The following RASA1 variants were observed in gnomAD, a reference collection of about 807,000 sequenced individuals.
RASA1 encodes RAS p21 protein activator 1.
RASA1 carries 25 observed loss-of-function variants against 132.2 expected under a neutral mutation model. The ratio of observed to expected loss-of-function variants is 0.19; its 90% CI spans 0.14 to 0.26. The LOEUF (loss-of-function observed/expected upper bound fraction) is 0.26, where lower values mean the gene tolerates loss of function less well. Ranked by LOEUF, RASA1 falls within the 10% of genes least tolerant of loss-of-function variation. The pLI is 1.00. For synonymous variants in RASA1, 477 were observed against 449.9 expected (o/e 1.06, Z -0.76); for missense variants, 964 against 1,299.2 (o/e 0.74, Z 3.97).
At chr5:87,336,446 CTT>C (rs890529569) in intron 4 of RASA1, among the ~76,000 whole-genome samples, 5 of 151,590 alleles carry the variant, frequency 3.3e-5, no homozygotes, top group Non-Finnish European at 7.4e-5. Context: ...ATTTATGAGT[CTT>C]TTAAAAAGTT....
chr5:87,326,887 T>C (rs1446769314), intron 1 of RASA1, among the ~76,000 whole-genome samples: 1 of 152,214 alleles, frequency 6.6e-6, no homozygotes, highest in Non-Finnish European at 1.5e-5. Context: ...GATTGGTTTC[T>C]CCTGTTCTCT....
At chr5:87,294,809 ATG>A (rs1755049516) in intron 1 of RASA1, among the ~76,000 whole-genome samples, 1 of 152,176 alleles carries the variant, frequency 6.6e-6, no homozygotes, top group South Asian at 2.1e-4. Flanking sequence ...CTTGGAGAGA[ATG>A]TGCAGTCTGC....
chr5:87,388,742 A>G (rs745446357), intron 23 of RASA1, among the ~76,000 whole-genome samples: 10 of 152,218 alleles, frequency 6.6e-5, no homozygotes, highest in Non-Finnish European at 1.3e-4. Context: ...TTGCATTTTC[A>G]TAGTGCAGTT....
Position 87,379,793 on chromosome 5 carries a change from T to C in RASA1, c.2546T>C (p.Leu849Ser), listed in dbSNP as rs920219557. The change falls in exon 19 of 25, where the codon TTG becomes TCG. Residue 849 changes from leucine to serine, a missense_variant. Around this residue, in one of 6 missense-constraint regions of RASA1, gnomAD observed 346 missense variants for 520.1 expected, o/e 0.67. Transcript: ENST00000274376. The stretch of plus-strand genomic sequence containing the variant: ...GTGAACACTAATTTAACACACCTAT[T>C]GAACATACTTTCAGAGCTTGTGGAG... ...EDVNTNLTHLLNILSELVEKI... is the reference protein window; with the variant it reads ...EDVNTNLTHLSNILSELVEKI... The C allele has an allele frequency of 1.9e-5, 31 of 1,612,956 alleles. No homozygotes were observed. The highest frequency in any genetic ancestry group is 2.5e-5 in the Non-Finnish European group (30 of 1,179,202).
At chr5:87,359,488 T>C (rs1238120974) in intron 9 of RASA1, among the ~76,000 whole-genome samples, 1 of 152,186 alleles carries the variant, frequency 6.6e-6, no homozygotes, top group East Asian at 1.9e-4. Flanking sequence ...CACTTTAATA[T>C]GATTTTTAAA....
intron 20 of RASA1, among the ~76,000 whole-genome samples, chr5:87,383,186 CA>C (rs987011114): frequency 6.6e-6 from 1 of 152,100 alleles, no homozygotes; most frequent in Non-Finnish European, 1.5e-5. Flanking sequence ...TTCTCTAGTG[CA>C]ATGGATTCTT....
chr5:87,364,483 C>T (rs1287703387), intron 11 of RASA1, among the ~76,000 whole-genome samples: 6 of 152,104 alleles, frequency 3.9e-5, no homozygotes, highest in Admixed American at 2.0e-4. Flanking sequence ...TGAATTACTT[C>T]ATAAATTCAT....
At chr5:87,284,543 T>C (rs1180980509) in intron 1 of RASA1, among the ~76,000 whole-genome samples, 2 of 152,190 alleles carry the variant, frequency 1.3e-5, no homozygotes, top group Non-Finnish European at 2.9e-5. Flanking sequence ...GTATCTGGAG[T>C]GGAACTGTTC....
At chr5:87,306,307 G>T (rs1198979761) in intron 1 of RASA1, among the ~76,000 whole-genome samples, 1 of 152,174 alleles carries the variant, frequency 6.6e-6, no homozygotes, top group Non-Finnish European at 1.5e-5. Context: ...ACAAGATTAT[G>T]TCCTTTGCGG....
At chr5:87,287,115 C>CATATATATACACACCAT in intron 1 of RASA1, among the ~76,000 whole-genome samples, 1 of 136,758 alleles carries the variant, frequency 7.3e-6, no homozygotes, top group South Asian at 2.4e-4. Flanking sequence ...ATATACACAC[C>CATATATATACACACCAT]ATATATATAC....
At chr5:87,288,971 T>G (rs1754797665) in intron 1 of RASA1, among the ~76,000 whole-genome samples, 1 of 152,204 alleles carries the variant, frequency 6.6e-6, no homozygotes, top group Admixed American at 6.5e-5. Flanking sequence ...CCAAATATAA[T>G]GAATTTAACA....
chr5:87,270,646 C>CTTTTTTTTTTTTTT (rs70996415), intron 1 of RASA1, among the ~76,000 whole-genome samples: 1 of 71,780 alleles, frequency 1.4e-5, no homozygotes, highest in African/African-American at 6.4e-5. Context: ...GGTGCCCGGC[C>CTTTTTTTTTTTTTT]TTTTTTTTTT....
chr5:87,358,966 A>G (rs1400924525), intron 9 of RASA1, among the ~76,000 whole-genome samples: 1 of 152,116 alleles, frequency 6.6e-6, no homozygotes, highest in African/African-American at 2.4e-5. Context: ...TTACCTAGAC[A>G]CCTTAATTAA....
At chr5:87,333,242 ATCT>A (rs1757725486) in intron 3 of RASA1, 22 bp from the exon 4 acceptor site, 3 of 1,607,564 alleles carry the variant, frequency 1.9e-6, no homozygotes, top group South Asian at 2.2e-5. Flanking sequence ...ATCTTTTTAA[ATCT>A]TTTTTTTTTT....
intron 11 of RASA1, among the ~76,000 whole-genome samples, chr5:87,368,567 A>T (rs748396497): frequency 1.3e-5 from 2 of 152,198 alleles, no homozygotes; most frequent in Non-Finnish European, 2.9e-5. Flanking sequence ...CGGATGGTAT[A>T]GGGTTAGTAC....
chr5:87,338,299 T>C (rs1758125852), intron 5 of RASA1, among the ~76,000 whole-genome samples: 1 of 151,644 alleles, frequency 6.6e-6, no homozygotes, highest in African/African-American at 2.4e-5. Flanking sequence ...TTCAGAAAGC[T>C]TGTATGATTT....
At chr5:87,356,572 T>G (rs948808505) in intron 9 of RASA1, among the ~76,000 whole-genome samples, 3 of 152,072 alleles carry the variant, frequency 2.0e-5, no homozygotes, top group African/African-American at 7.2e-5. Context: ...TTTGTAGAGA[T>G]AGAGTCTTGC....
At chr5:87,352,303 T>TACAC (rs142667821) in intron 8 of RASA1, among the ~76,000 whole-genome samples, 58 of 150,140 alleles carry the variant, frequency 3.9e-4, no homozygotes, top group East Asian at 2.7e-3. Flanking sequence ...TACTTGAAGA[T>TACAC]ACACACACAC....
intron 8 of RASA1, among the ~76,000 whole-genome samples, chr5:87,351,843 C>G (rs778448835): frequency 6.6e-6 from 1 of 151,732 alleles, no homozygotes; most frequent in Non-Finnish European, 1.5e-5. Flanking sequence ...CCATGGTTTC[C>G]TGTTCTCTCA....
Sources: allele counts gnomAD v4.1 joint callset (sites outside exome capture counted in the v4.1 genomes callset), GRCh38; gene constraint gnomAD v4.1.1; regional missense constraint gnomAD v4.1.1; transcripts MANE v1.5; gene names NCBI Gene and HGNC (gene_info 2026-07-23, HGNC 2026-07-21).